Variants in SGCZ observed in about 807,000 individuals in gnomAD.
SGCZ encodes sarcoglycan zeta.
A neutral mutation model predicts 41.3 loss-of-function variants in SGCZ; 40 were observed. The ratio of observed to expected loss-of-function variants is 0.97; its 90% confidence interval spans 0.75 to 1.26. The LOEUF (loss-of-function observed/expected upper bound fraction) is 1.26. SGCZ is among the 50% of genes most tolerant of loss of function. The probability of loss-of-function intolerance (pLI) is 0.00; values close to 1 mark genes in which losing one functional copy is unlikely to be tolerated. For missense variants in SGCZ, 552 were observed against 369.8 expected (o/e 1.49, Z -4.04); for synonymous variants, 206 against 137.5 (o/e 1.50, Z -3.49).
chr8:14,681,777 C>A (rs1279529292), intron 1 of SGCZ, among the ~76,000 whole-genome samples: 2 of 152,024 alleles, frequency 1.3e-5, no homozygotes, highest in Non-Finnish European at 2.9e-5. Context: ...AGAGAGAGGT[C>A]TCTGCATGTT....
At chr8:14,897,463 T>C (rs1031491881) in intron 1 of SGCZ, among the ~76,000 whole-genome samples, 2 of 152,232 alleles carry the variant, frequency 1.3e-5, no homozygotes, top group African/African-American at 2.4e-5. Flanking sequence ...CTTGTAGTTC[T>C]GGACGGTTTG....
At chr8:14,130,472 T>C (rs1803005347) in intron 5 of SGCZ, among the ~76,000 whole-genome samples, 1 of 142,714 alleles carries the variant, frequency 7.0e-6, no homozygotes. Context: ...TCCTGCCATG[T>C]TTATTCCCAC....
intron 1 of SGCZ, among the ~76,000 whole-genome samples, chr8:14,759,246 T>C (rs1022875096): frequency 2.6e-5 from 4 of 152,114 alleles, no homozygotes; most frequent in South Asian, 2.1e-4. Context: ...GAAGATTTCA[T>C]ACCAGAGAAA....
At chr8:14,185,673 T>C (rs962318044) in intron 4 of SGCZ, among the ~76,000 whole-genome samples, 2 of 152,038 alleles carry the variant, frequency 1.3e-5, no homozygotes, top group African/African-American at 4.8e-5. Context: ...TGTTTTGTTG[T>C]GTTTTGTTTT....
At chr8:14,752,451 GCATTT>G (rs1338147815) in intron 1 of SGCZ, among the ~76,000 whole-genome samples, 1 of 152,020 alleles carries the variant, frequency 6.6e-6, no homozygotes, top group African/African-American at 2.4e-5. Flanking sequence ...TAAATTTACT[GCATTT>G]CATTATTCTC....
At chr8:14,916,625 A>C (rs918637634) in intron 1 of SGCZ, among the ~76,000 whole-genome samples, 4 of 152,204 alleles carry the variant, frequency 2.6e-5, no homozygotes, top group Non-Finnish European at 5.9e-5. Flanking sequence ...AAGCAACTTC[A>C]CTTCATATTT....
At chr8:14,482,905 G>A (rs11203613) in intron 2 of SGCZ, among the ~76,000 whole-genome samples, 137,640 of 152,002 alleles carry the variant, frequency 0.91, 63,672 homozygotes, top group East Asian at 1. Context: ...CTGGGTCTCC[G>A]TTTGCAGACC....
Position 14,232,362 on chromosome 8 carries a change from A to T in SGCZ, c.424+5230T>A, listed in dbSNP as rs188186845. Among the ~76,000 whole-genome samples, 6 of 152,082 alleles carry T rather than the reference A, an allele frequency of 3.9e-5. No homozygotes were observed. In the East Asian group the frequency reaches 9.7e-4, roughly 24 times the overall value. ...ACAAAAGCTGTTTACAACAGTTTCTATTGTTAAGTGATGTTAATTGCTCAA... is the reference window on the plus strand; with the variant it reads ...ACAAAAGCTGTTTACAACAGTTTCTTTTGTTAAGTGATGTTAATTGCTCAA... On this transcript the variant is annotated intron_variant, in intron 4 of 7. Coordinates refer to ENST00000382080, the MANE Select transcript of SGCZ (RefSeq NM_139167.4).
intron 1 of SGCZ, among the ~76,000 whole-genome samples, chr8:14,846,945 G>A (rs540807721): frequency 2.0e-5 from 3 of 151,944 alleles, no homozygotes; most frequent in Non-Finnish European, 4.4e-5. Context: ...GGTGGCACAT[G>A]CCTGTAATCC....
chr8:14,885,629 G>T (rs140221656), intron 1 of SGCZ, among the ~76,000 whole-genome samples: 12 of 152,098 alleles, frequency 7.9e-5, no homozygotes, highest in African/African-American at 2.2e-4. Context: ...TTAAAGTCAG[G>T]AAAGGGACTT....
rs17271555 is a variant in SGCZ, at chr8:14,777,117, C to G, written c.40-222191G>C. Among the ~76,000 whole-genome samples the G allele has an allele frequency of 7.7e-3, 1,178 of 152,234 alleles. 9 individuals are homozygous for G. The highest frequency in any genetic ancestry group is 0.013 in the Non-Finnish European group (885 of 68,014). On this transcript the variant is annotated intron_variant, in intron 1 of 7. Coordinates refer to ENST00000382080, the MANE Select transcript of SGCZ (RefSeq NM_139167.4). ...CTGTTATCAGATTATGTCACTCTGG[C>G]TTAAATTTAGTAAATGCTCAAGATG...
chr8:15,174,074 G>A (rs1476056359), intron 1 of SGCZ, among the ~76,000 whole-genome samples: 1 of 152,076 alleles, frequency 6.6e-6, no homozygotes, highest in African/African-American at 2.4e-5. Flanking sequence ...GGCCGTCATT[G>A]ATCATGCTGC....
intron 1 of SGCZ, among the ~76,000 whole-genome samples, chr8:14,666,084 G>C (rs890115698): frequency 6.6e-6 from 1 of 152,096 alleles, no homozygotes; most frequent in Non-Finnish European, 1.5e-5. Flanking sequence ...GCCCTTCTCA[G>C]ATTTTAAGTC....
chr8:14,321,000 A>G (rs1801899203), intron 3 of SGCZ, among the ~76,000 whole-genome samples: 1 of 152,066 alleles, frequency 6.6e-6, no homozygotes, highest in Non-Finnish European at 1.5e-5. Flanking sequence ...GTGTTTTAAA[A>G]AGTCTGAAGA....
At chr8:15,051,471 G>A (rs1804511226) in intron 1 of SGCZ, among the ~76,000 whole-genome samples, 1 of 152,046 alleles carries the variant, frequency 6.6e-6, no homozygotes, top group East Asian at 1.9e-4. Flanking sequence ...GATGCTGTGA[G>A]CTTTTCTCAT....
At chr8:14,905,216 C>T (rs1412692813) in intron 1 of SGCZ, among the ~76,000 whole-genome samples, 1 of 151,826 alleles carries the variant, frequency 6.6e-6, no homozygotes, top group East Asian at 1.9e-4. Flanking sequence ...CAAACACTTC[C>T]TTAATCATTT....
At chr8:14,935,040 G>A (rs1800040465) in intron 1 of SGCZ, among the ~76,000 whole-genome samples, 1 of 147,626 alleles carries the variant, frequency 6.8e-6, no homozygotes, top group South Asian at 2.1e-4. Context: ...AACTTTTAAA[G>A]GTGAAAACTG....
chr8:14,994,021 G>C (rs554018633), intron 1 of SGCZ, among the ~76,000 whole-genome samples: 97 of 152,324 alleles, frequency 6.4e-4, no homozygotes, highest in African/African-American at 2.1e-3. Context: ...GAATACATTG[G>C]GGGCTGGATG....
rs10674533 is a variant in SGCZ at position 15,097,866 on chromosome 8, GTATA to G, written c.39+139715_39+139718del. Among the ~76,000 whole-genome samples, 209 of 68,478 alleles carry G rather than the reference GTATA, an allele frequency of 3.1e-3. 7 individuals are homozygous for G. The highest frequency in any genetic ancestry group is 0.012 in the African/African-American group (198 of 17,018). The allele number at this position is 68,478 out of a possible 152,430, so 44.9% of individuals were successfully genotyped here. A position where few individuals can be genotyped will look rare whatever the true frequency, so the allele number is the denominator to read the frequency against. ...TGTATATATATATATACGTGTGTGT[GTATA>G]TATATATATATACGTGTGTATATAT... On this transcript the variant is annotated intron_variant, in intron 1 of 7. Transcript: ENST00000382080.
Sources: allele counts gnomAD v4.1 joint callset (sites outside exome capture counted in the v4.1 genomes callset), GRCh38; gene constraint gnomAD v4.1.1; transcripts MANE v1.5; gene names NCBI Gene and HGNC (gene_info 2026-07-23, HGNC 2026-07-21).